Variants in LYPD6 observed in about 807,000 individuals in gnomAD.
LYPD6 encodes ly6/PLAUR domain-containing protein 6.
Under a neutral mutation model 22.7 loss-of-function variants are expected in LYPD6, and 15 were observed. That is an observed-to-expected ratio of 0.66 (90% CI 0.44 to 1.02). The LOEUF (loss-of-function observed/expected upper bound fraction) is 1.02. LYPD6 is among the 50% of genes least tolerant of loss of function. The probability of loss-of-function intolerance (pLI) is 0.00; values close to 1 mark genes in which losing one functional copy is unlikely to be tolerated. For missense variants in LYPD6, 189 were observed against 208.4 expected, an observed-to-expected ratio of 0.91 and a Z score of 0.57; for synonymous variants, 72 against 77.5, an observed-to-expected ratio of 0.93 and a Z score of 0.37.
At chr2:149,355,260 T>A (rs1424818519) in intron 1 of LYPD6, among the ~76,000 whole-genome samples, 1 of 152,174 alleles carries the variant, frequency 6.6e-6, no homozygotes, top group Non-Finnish European at 1.5e-5. Context: ...GAAGAATACA[T>A]CTTTTTGGTA....
intron 1 of LYPD6, among the ~76,000 whole-genome samples, chr2:149,418,994 T>G (rs1683023247): frequency 6.6e-6 from 1 of 152,202 alleles, no homozygotes; most frequent in African/African-American, 2.4e-5. Flanking sequence ...TATAATACAA[T>G]TATAGGTGAC....
In LYPD6 at chr2:149,468,754, C is replaced by G; in HGVS notation, c.327C>G (p.Asp109Glu). The change falls in exon 4 of 5, where the codon GAC becomes GAG. Residue 109 changes from aspartate (D) to glutamate (E), a missense_variant. By Grantham distance (45) the Asp-to-Glu change is conservative. Transcript: ENST00000334166. ...LEECLSTGCR[D>E]SEHEGHKVCT... ...AGTGCTTATCCACTGGCTGCAGAGA[C>G]TCCGAGCATGAAGGCCACAAGGTCT... is the stretch of plus-strand genomic sequence containing the variant. The G allele has an allele frequency of 6.2e-7, 1 of 1,613,560 alleles. No individual in the cohort carries two copies.
At chr2:149,374,830 A>G (rs1681882308) in intron 1 of LYPD6, among the ~76,000 whole-genome samples, 1 of 152,220 alleles carries the variant, frequency 6.6e-6, no homozygotes, top group Non-Finnish European at 1.5e-5. Context: ...ATGCAATATG[A>G]TATTATAATA....
intron 1 of LYPD6, chr2:149,367,964 T>A (rs1158098794): frequency 6.6e-6 from 1 of 152,244 alleles, no homozygotes; most frequent in Admixed American, 6.5e-5. Context: ...CAAAAAGCCT[T>A]TTTTGAATCG....
intron 1 of LYPD6, among the ~76,000 whole-genome samples, chr2:149,414,960 A>G (rs775785293): frequency 4.6e-5 from 7 of 152,198 alleles, no homozygotes; most frequent in Non-Finnish European, 8.8e-5. Context: ...AGTTTACAAC[A>G]TTAAAAATGC....
At chr2:149,463,906 A>G (rs1267087947) in intron 3 of LYPD6, among the ~76,000 whole-genome samples, 1 of 152,058 alleles carries the variant, frequency 6.6e-6, no homozygotes, top group Non-Finnish European at 1.5e-5. Context: ...TGACTATAAA[A>G]GGTCAACATG....
intron 1 of LYPD6, among the ~76,000 whole-genome samples, chr2:149,339,491 A>G (rs1172699842): frequency 2.0e-5 from 3 of 152,170 alleles, no homozygotes; most frequent in African/African-American, 7.2e-5. Context: ...TTAGTTTTCA[A>G]CCAGCCTACC....
chr2:149,419,707 C>G (rs1232457971), intron 1 of LYPD6, among the ~76,000 whole-genome samples: 2 of 152,148 alleles, frequency 1.3e-5, no homozygotes, highest in African/African-American at 4.8e-5. Flanking sequence ...CTTCAGATCC[C>G]TATAAGCATA....
chr2:149,396,678 T>G (rs1682435285), intron 1 of LYPD6, among the ~76,000 whole-genome samples: 1 of 152,208 alleles, frequency 6.6e-6, no homozygotes, highest in Non-Finnish European at 1.5e-5. Flanking sequence ...CTATTGAAAC[T>G]GCATTATTCC....
chr2:149,446,827 T>G (rs896068310), intron 2 of LYPD6, among the ~76,000 whole-genome samples: 1 of 152,230 alleles, frequency 6.6e-6, no homozygotes, highest in Admixed American at 6.5e-5. Flanking sequence ...AATGCAAGCA[T>G]GTACATGGAT....
chr2:149,388,967 C>A (rs571032315), intron 1 of LYPD6, among the ~76,000 whole-genome samples: 4 of 152,074 alleles, frequency 2.6e-5, no homozygotes, highest in African/African-American at 9.6e-5. Context: ...AAGTAGTTGC[C>A]CAACAAAATA....
At chr2:149,341,729 A>T (rs1681165238) in intron 1 of LYPD6, among the ~76,000 whole-genome samples, 1 of 152,164 alleles carries the variant, frequency 6.6e-6, no homozygotes, top group Non-Finnish European at 1.5e-5. Context: ...CTCTGCTTCT[A>T]AGATGGCACT....
At chr2:149,362,541 A>G (rs1205071866) in intron 1 of LYPD6, among the ~76,000 whole-genome samples, 4 of 152,146 alleles carry the variant, frequency 2.6e-5, no homozygotes, top group African/African-American at 9.7e-5. Flanking sequence ...TTGTGCTGCT[A>G]CAACAGAATG....
At chr2:149,424,065 C>T (rs1253614272) in intron 1 of LYPD6, among the ~76,000 whole-genome samples, 4 of 152,158 alleles carry the variant, frequency 2.6e-5, no homozygotes, top group African/African-American at 9.7e-5. Flanking sequence ...TCACCCTCCT[C>T]ACCAGAAACA....
At chr2:149,333,529 G>A (rs771766818) in intron 1 of LYPD6, among the ~76,000 whole-genome samples, 5 of 152,156 alleles carry the variant, frequency 3.3e-5, no homozygotes, top group Non-Finnish European at 5.9e-5. Context: ...ACTTCTCTGT[G>A]CTTTAGTTTT....
Position 149,399,664 on chromosome 2 carries a change from A to G in LYPD6, c.-71-37974A>G, listed in dbSNP as rs185080301. Among the ~76,000 whole-genome samples the G allele has an allele frequency of 7.9e-3, 1,189 of 150,622 alleles. 7 individuals carry two copies. The highest frequency in any genetic ancestry group is 0.028 in the African/African-American group (1,148 of 41,314). Reference sequence around the variant, plus strand: ...ATAAAAATATAAAAATAAAAGTGGAAAAAAACCAAATAAAATATAAATAAT... The same window carrying G: ...ATAAAAATATAAAAATAAAAGTGGAGAAAAACCAAATAAAATATAAATAAT... On this transcript the variant is annotated intron_variant, in intron 1 of 4. Coordinates refer to ENST00000334166, the MANE Select transcript of LYPD6 (RefSeq NM_194317.5).
At chr2:149,386,375 T>C (rs536478110) in intron 1 of LYPD6, among the ~76,000 whole-genome samples, 1 of 152,328 alleles carries the variant, frequency 6.6e-6, no homozygotes, top group South Asian at 2.1e-4. Flanking sequence ...AGGTCCTGAT[T>C]TTCTGCCTCT....
chr2:149,398,503 G>A (rs1053721011), intron 1 of LYPD6, among the ~76,000 whole-genome samples: 4 of 151,896 alleles, frequency 2.6e-5, no homozygotes, highest in African/African-American at 9.7e-5. Context: ...TCCTGAAAGT[G>A]TTCCCAGCAG....
At chr2:149,371,938 CCTT>C (rs905566067) in intron 1 of LYPD6, among the ~76,000 whole-genome samples, 8 of 152,046 alleles carry the variant, frequency 5.3e-5, no homozygotes, top group Non-Finnish European at 1.2e-4. Context: ...GTCCTTAAGC[CCTT>C]CCACCTGCCC....
Sources: gnomAD v4.1 joint callset for allele counts (sites outside exome capture counted in the v4.1 genomes callset) on GRCh38, gnomAD v4.1.1 for gene constraint, MANE v1.5 for transcripts, NCBI Gene and HGNC (gene_info 2026-07-23, HGNC 2026-07-21) for gene names.